Variants in NEB observed in about 807,000 individuals in gnomAD.
NEB encodes the protein nemaline myopathy type 2.
Under a neutral mutation model 952.2 loss-of-function variants are expected in NEB, and 512 were observed. The observed-to-expected ratio is 0.54, with a 90% CI of 0.50 to 0.58. The LOEUF (loss-of-function observed/expected upper bound fraction) is 0.58. Among genes scored for constraint, NEB ranks in the 20% least tolerant of loss-of-function variants. The pLI is 0.00. For synonymous variants in NEB, 2,900 were observed against 3,149.8 expected (o/e 0.92, Z 2.66); for missense variants, 8,428 against 9,231.1 (o/e 0.91, Z 3.56).
intron 9 of NEB, 66 bp downstream of exon 9, chr2:151,723,316 C>T: frequency 5.3e-6 from 6 of 1,139,062 alleles, no homozygotes; most frequent in Non-Finnish European, 7.6e-6. Context: ...ACCATCTGGC[C>T]AGAATATGTA....
intron 41 of NEB, 55 bp downstream of exon 41, chr2:151,666,035 T>C (rs1041467437): frequency 3.9e-6 from 6 of 1,527,380 alleles, no homozygotes; most frequent in South Asian, 3.7e-5. Flanking sequence ...AAGTGGCTCC[T>C]GTTTTTTCCT....
intron 12 of NEB, among the ~76,000 whole-genome samples, chr2:151,708,001 C>G (rs146034002): frequency 1.2e-3 from 181 of 152,264 alleles, no homozygotes; most frequent in African/African-American, 4.0e-3. Context: ...TTACTCTCCC[C>G]CTACCCGCAT....
intron 8 of NEB, 60 bp from the exon 9 acceptor site, chr2:151,723,546 T>C: frequency 8.3e-7 from 1 of 1,205,850 alleles, no homozygotes; most frequent in African/African-American, 1.5e-5. Flanking sequence ...ACAAAATACA[T>C]AGTTTTGAAT....
Position 151,706,888 on chromosome 2 carries a change from AG to A in NEB, c.1144del (p.Leu382Ter). The A allele has an allele frequency of 6.3e-7, 1 of 1,597,822 alleles. No homozygotes were observed. The highest frequency in any genetic ancestry group is 1.1e-5 in the South Asian group (1 of 87,546). ...TGACAAAAATATACTTACGTCACTT[AG>A]GGCATCTCCTGCTGCCTTCAGCTGC... is the stretch of plus-strand genomic sequence containing the variant. ...LRQLKAAGDA[L>X]SDKLYKENYE... On this transcript the variant is annotated frameshift_variant, in exon 13 of 182. Transcript: ENST00000397345. LOFTEE classifies it high-confidence loss of function.
At chr2:151,721,288 G>C (rs773463612) in intron 9 of NEB, among the ~76,000 whole-genome samples, 15 of 152,046 alleles carry the variant, frequency 9.9e-5, no homozygotes, top group Non-Finnish European at 1.9e-4. Context: ...AAAATCTTAT[G>C]ATGCCTCTTA....
rs1232504586 is a variant in NEB at position 151,662,209 on chromosome 2, T to C, written c.5896A>G (p.Thr1966Ala). 2.5e-6 allele frequency: 4 copies of C among 1,613,668 alleles called. No individual in the cohort carries two copies. Among genetic ancestry groups the C allele is most frequent in the Non-Finnish European group, 3.4e-6 (4 of 1,179,684 alleles). The change falls in exon 46 of 182, where the codon ACT becomes GCT. Residue 1966 changes from threonine to alanine, a missense_variant. By Grantham distance (58) the Thr-to-Ala change is moderately conservative. Transcript: ENST00000397345. ...TCCATGAGTGTGGAATACTTCAAAGTGTCTGGGTGCTGGCGGTACTTCTTT... is the reference window on the plus strand; with the variant it reads ...TCCATGAGTGTGGAATACTTCAAAGCGTCTGGGTGCTGGCGGTACTTCTTT... ...SEKKYRQHPDTLKYSTLMDSM... is the reference protein window; with the variant it reads ...SEKKYRQHPDALKYSTLMDSM...
rs529683537 is a variant in NEB at position 151,725,051 on chromosome 2, A to C, written c.403-90T>G. 2.5e-5 allele frequency: 24 copies of C among 966,138 alleles called. No homozygotes were observed. The East Asian group carries it at 3.4e-4, about 14-fold the overall frequency. 59.8% of individuals were successfully genotyped at this position (966,138 alleles called of 1,614,324 possible). A position where few individuals can be genotyped will look rare whatever the true frequency, so the allele number is the denominator to read the frequency against. ...TCTTATAACCACAGAGCATTACCCC[A>C]ATGACTCTAGGTCTGCATCACAAAG... On this transcript the variant is annotated intron_variant, in intron 6 of 181. Coordinates refer to ENST00000397345, the MANE Select transcript of NEB (RefSeq NM_001164508.2).
Position 151,643,139 on chromosome 2 carries a change from A to G in NEB, c.8160+11T>C. The G allele has an allele frequency of 6.2e-7, 1 of 1,604,138 alleles. No individual in the cohort carries two copies. The highest frequency in any genetic ancestry group is 8.5e-7 in the Non-Finnish European group (1 of 1,172,230). ...AAATTAATAACCTCCTCAAACAAAC[A>G]TAGGACTTACATGATTCATGGTAAT... On this transcript the variant is annotated intron_variant, in intron 58 of 181. Coordinates refer to ENST00000397345, the MANE Select transcript of NEB (RefSeq NM_001164508.2).
At chr2:151,490,218 A>G (rs1348959751) in intron 180 of NEB, 141 bp from the exon 181 acceptor site, 2 of 1,169,822 alleles carry the variant, frequency 1.7e-6, no homozygotes, top group East Asian at 2.5e-5. Flanking sequence ...TGAAACATCT[A>G]ACTTCATGCA....
Position 151,619,376 on chromosome 2 carries a change from T to C in NEB, c.10872+75A>G. 6 of 1,385,554 alleles carry C rather than the reference T, an allele frequency of 4.3e-6. No individual in the cohort carries two copies. The South Asian group carries it at 5.8e-5, about 13-fold the overall frequency. 85.8% of individuals were successfully genotyped at this position (1,385,554 alleles called of 1,614,324 possible). ...AAATATACAAACAAATTGCAGTTCA[T>C]TGGCACTAGTCAGAACTCACAGACA... On this transcript the variant is annotated intron_variant, in intron 73 of 181. Transcript: ENST00000397345.
At chr2:151,730,615 TGA>T (rs35913032) in intron 3 of NEB, among the ~76,000 whole-genome samples, 12,365 of 73,290 alleles carry the variant, frequency 0.17, 851 homozygotes, top group Middle Eastern at 0.3. Context: ...CATTTCTTAG[TGA>T]AAAAAAAAAA....
At chr2:151,569,203 T>C in intron 110 of NEB, 65 bp downstream of exon 110, 9 of 1,286,282 alleles carry the variant, frequency 7.0e-6, no homozygotes, top group African/African-American at 1.5e-5. Context: ...GACTATATTT[T>C]AGCTTGTGCA....
intron 124 of NEB, 45 bp downstream of exon 124, chr2:151,560,547 A>T: frequency 1.1e-6 from 1 of 951,190 alleles, no homozygotes; most frequent in Non-Finnish European, 1.3e-6. Context: ...AGAGCAGGGG[A>T]GGGGAGGGAG....
rs1247368291 is a variant in NEB at position 151,609,869 on chromosome 2, T to C, written c.12270A>G (p.Thr4090=). ...TAATGTCGTTTTGATCCGGCATGCA[T>C]GTCCATTCATGCAGGTAATTGCGAT... The part of the protein sequence containing the change: ...IDYRNYLHEW[T]CMPDQNDIIQ... Residue 4090 remains threonine (T), a synonymous_variant, in exon 81 of 182, where the codon ACA becomes ACG. Coordinates refer to ENST00000397345, the MANE Select transcript of NEB (RefSeq NM_001164508.2). The C allele has an allele frequency of 2.5e-6, 4 of 1,611,998 alleles. No individual in the cohort carries two copies. The Admixed American group carries it at 5.0e-5, about 20-fold the overall frequency.
At chr2:151,668,859 A>C (rs534113128) in intron 39 of NEB, among the ~76,000 whole-genome samples, 168 bp downstream of exon 39, 1 of 152,242 alleles carries the variant, frequency 6.6e-6, no homozygotes, top group African/African-American at 2.4e-5. Context: ...TGTATTAAGC[A>C]AAATTTTATT....
chr2:151,682,633 T>C (rs201646087), intron 29 of NEB, 29 bp downstream of exon 29: 2 of 1,542,798 alleles, frequency 1.3e-6, no homozygotes, highest in Admixed American at 1.7e-5. Flanking sequence ...CAGTCACCAC[T>C]CTCCCTCTGA....
rs765379397 is a variant in NEB at position 151,616,057 on chromosome 2, C to T, written c.11234G>A (p.Arg3745His). 28 of 1,612,980 alleles carry T rather than the reference C, an allele frequency of 1.7e-5. No homozygotes were observed. The highest frequency in any genetic ancestry group is 1.3e-4 in the East Asian group (6 of 44,786). Residue 3745 changes from arginine (R) to histidine (H), a missense_variant, in exon 76 of 182, where the codon CGT becomes CAT. Around this residue, in one of 11 missense-constraint regions of NEB, gnomAD observed 1,772 missense variants for 1,960.3 expected, o/e 0.90. Coordinates refer to ENST00000397345, the MANE Select transcript of NEB (RefSeq NM_001164508.2). Reference protein sequence around the residue: ...EESKKEGYDLRLDAIPIQAAK... With the variant: ...EESKKEGYDLHLDAIPIQAAK... ...TGCTTGGATTGGAATGGCATCCAGACGCAAGTCATAGCCTTCCTTCTTGGA... is the reference window on the plus strand; with the variant it reads ...TGCTTGGATTGGAATGGCATCCAGATGCAAGTCATAGCCTTCCTTCTTGGA...
intron 9 of NEB, among the ~76,000 whole-genome samples, chr2:151,722,444 AT>A (rs2099777129): frequency 6.6e-6 from 1 of 151,512 alleles, no homozygotes; most frequent in African/African-American, 2.4e-5. Context: ...GGGATCACTG[AT>A]TTTTCACTAA....
intron 65 of NEB, among the ~76,000 whole-genome samples, chr2:151,631,666 C>G (rs1446250354): frequency 2.6e-5 from 4 of 152,106 alleles, no homozygotes; most frequent in Non-Finnish European, 5.9e-5. Context: ...AGACAGAAAC[C>G]ACACCCGTGC....
Sources: allele counts gnomAD v4.1 joint callset (sites outside exome capture counted in the v4.1 genomes callset), GRCh38; gene constraint gnomAD v4.1.1; regional missense constraint gnomAD v4.1.1; transcripts MANE v1.5; gene names NCBI Gene and HGNC (gene_info 2026-07-23, HGNC 2026-07-21).